Variants in SYNJ2BP observed in about 807,000 individuals in gnomAD.
The protein encoded by SYNJ2BP is synaptojanin 2 binding protein.
SYNJ2BP carries 10 observed loss-of-function variants against 16.9 expected under a neutral mutation model. The ratio of observed to expected loss-of-function variants is 0.59; its 90% CI spans 0.36 to 1.00. SYNJ2BP has a LOEUF of 1.00. Among genes scored for constraint, SYNJ2BP ranks in the 50% least tolerant of loss-of-function variants. The probability of loss-of-function intolerance (pLI) is 0.01; values close to 1 mark genes in which losing one functional copy is unlikely to be tolerated. For missense variants in SYNJ2BP, 162 were observed against 186.7 expected (o/e 0.87, Z 0.77); for synonymous variants, 54 against 68.4 (o/e 0.79, Z 1.04).
chr14:70,414,915 A>C (rs1303050269), intron 1 of SYNJ2BP, among the ~76,000 whole-genome samples: 1 of 152,220 alleles, frequency 6.6e-6, no homozygotes, highest in African/African-American at 2.4e-5. Flanking sequence ...AAAGTCAATA[A>C]ATATTAACAG....
chr14:70,388,060 G>T (rs752091118), intron 2 of SYNJ2BP, among the ~76,000 whole-genome samples: 7 of 152,116 alleles, frequency 4.6e-5, no homozygotes, highest in Non-Finnish European at 1.0e-4. Flanking sequence ...CCTTCTTTCT[G>T]TTTTGTGATG....
At chr14:70,407,807 C>T (rs1888381092) in intron 1 of SYNJ2BP, among the ~76,000 whole-genome samples, 1 of 152,204 alleles carries the variant, frequency 6.6e-6, no homozygotes, top group Non-Finnish European at 1.5e-5. Context: ...CCCACAGCTA[C>T]TGCTTATCTC....
chr14:70,372,940 A>G lies in SYNJ2BP; in HGVS notation c.*51T>C. 1.9e-6 allele frequency: 3 copies of G among 1,606,000 alleles called. No individual in the cohort carries two copies. The highest frequency in any genetic ancestry group is 2.5e-6 in the Non-Finnish European group (3 of 1,177,004). ...AGACATGGCAGAATAGCAGGGGTGG[A>G]GGGTGAGTGAAATGTATCTTCATTG... is the stretch of plus-strand genomic sequence containing the variant. On this transcript the variant is annotated 3_prime_UTR_variant, in exon 4 of 4. Coordinates refer to ENST00000256366, the MANE Select transcript of SYNJ2BP (RefSeq NM_018373.3).
At chr14:70,381,629 T>C (rs1052605382) in intron 2 of SYNJ2BP, among the ~76,000 whole-genome samples, 4 of 152,290 alleles carry the variant, frequency 2.6e-5, no homozygotes, top group Non-Finnish European at 4.4e-5. Flanking sequence ...CTTACTAACA[T>C]AGACCAGTGG....
intron 1 of SYNJ2BP, among the ~76,000 whole-genome samples, chr14:70,395,577 C>A (rs1263422973): frequency 1.3e-5 from 2 of 152,176 alleles, no homozygotes; most frequent in Non-Finnish European, 2.9e-5. Flanking sequence ...AGACATCAAT[C>A]AAACTCCATT....
intron 1 of SYNJ2BP, among the ~76,000 whole-genome samples, chr14:70,400,378 A>C (rs2332374): frequency 0.87 from 133,124 of 152,218 alleles, 58,285 homozygotes; most frequent in East Asian, 0.93. Context: ...GAACATACAC[A>C]AGTATTATTC....
intron 1 of SYNJ2BP, among the ~76,000 whole-genome samples, chr14:70,399,998 G>A (rs1888201374): frequency 6.6e-6 from 1 of 152,018 alleles, no homozygotes; most frequent in Non-Finnish European, 1.5e-5. Context: ...GTCAAAAGCT[G>A]CAAAAAAGAG....
At chr14:70,408,984 G>A (rs887457301) in intron 1 of SYNJ2BP, among the ~76,000 whole-genome samples, 1 of 151,820 alleles carries the variant, frequency 6.6e-6, no homozygotes, top group South Asian at 2.1e-4. Context: ...CAACAACCTC[G>A]AACTCCTGGG....
intron 2 of SYNJ2BP, among the ~76,000 whole-genome samples, chr14:70,381,407 G>T (rs7145450): frequency 0.87 from 133,076 of 152,244 alleles, 58,222 homozygotes; most frequent in East Asian, 0.93. Flanking sequence ...GAACCCTTTC[G>T]CATCCTTTAC....
At chr14:70,375,818 A>G in intron 2 of SYNJ2BP, 47 bp from the exon 3 acceptor site, 1 of 1,602,690 alleles carries the variant, frequency 6.2e-7, no homozygotes, top group South Asian at 1.1e-5. Context: ...GGCTATTAGA[A>G]GTCAACAATT....
chr14:70,388,530 G>A lies in SYNJ2BP; in HGVS notation c.141C>T (p.Ile47=), dbSNP rs138930055. The A allele has an allele frequency of 8.3e-5, 132 of 1,599,946 alleles. No homozygotes were observed. The highest frequency in any genetic ancestry group is 1.7e-4 in the Middle Eastern group (1 of 6,048). ...SNDSGIYVSR[I]KENGAAALDG... is the part of the protein sequence containing the mutation. ...CCAGGGCCGCAGCCCCATTTTCTTT[G>A]ATGCGGCTGACGTAGATGCCACTGT... The change falls in exon 2 of 4, where the codon ATC becomes ATT. Residue 47 remains isoleucine, a synonymous_variant. Coordinates refer to ENST00000256366, the MANE Select transcript of SYNJ2BP (RefSeq NM_018373.3).
chr14:70,396,864 T>TC (rs1888110618), intron 1 of SYNJ2BP, among the ~76,000 whole-genome samples: 1 of 152,218 alleles, frequency 6.6e-6, no homozygotes, highest in Non-Finnish European at 1.5e-5. Flanking sequence ...CTGTAAAAGT[T>TC]CTTTATATAT....
intron 1 of SYNJ2BP, among the ~76,000 whole-genome samples, chr14:70,392,593 G>C (rs1024711632): frequency 6.6e-6 from 1 of 152,146 alleles, no homozygotes; most frequent in African/African-American, 2.4e-5. Flanking sequence ...CTCCAAACTA[G>C]ATAGTTTGAC....
chr14:70,383,120 T>C (rs947285925), intron 2 of SYNJ2BP, among the ~76,000 whole-genome samples: 10 of 152,152 alleles, frequency 6.6e-5, no homozygotes, highest in African/African-American at 2.4e-4. Flanking sequence ...AAAAAGTCAG[T>C]GTGTTATAAT....
intron 3 of SYNJ2BP, among the ~76,000 whole-genome samples, chr14:70,373,478 A>C (rs889836562): frequency 2.0e-5 from 3 of 152,190 alleles, no homozygotes; most frequent in Admixed American, 2.0e-4. Context: ...TCTTATAGGG[A>C]ACTTGGATAT....
intron 1 of SYNJ2BP, among the ~76,000 whole-genome samples, chr14:70,403,817 G>T (rs1336469350): frequency 6.6e-6 from 1 of 152,052 alleles, no homozygotes; most frequent in Non-Finnish European, 1.5e-5. Context: ...ATTCTTTCTT[G>T]CGTGAGATCC....
At chr14:70,389,695 G>A (rs1035187404) in intron 1 of SYNJ2BP, among the ~76,000 whole-genome samples, 1 of 152,016 alleles carries the variant, frequency 6.6e-6, no homozygotes, top group African/African-American at 2.4e-5. Context: ...ACGTCATGTT[G>A]GCCCTTAAAA....
At chr14:70,415,200 AT>A (rs1486609500) in intron 1 of SYNJ2BP, among the ~76,000 whole-genome samples, 1 of 147,298 alleles carries the variant, frequency 6.8e-6, no homozygotes, top group Admixed American at 6.8e-5. Flanking sequence ...TAATAATGGT[AT>A]TAGTGATGAG....
At chr14:70,379,432 T>A (rs1427198199) in intron 2 of SYNJ2BP, among the ~76,000 whole-genome samples, 1 of 152,202 alleles carries the variant, frequency 6.6e-6, no homozygotes, top group Admixed American at 6.5e-5. Flanking sequence ...ACTCACTGAC[T>A]GGGACATAAA....
Sources: gnomAD v4.1 joint callset for allele counts (sites outside exome capture counted in the v4.1 genomes callset) on GRCh38, gnomAD v4.1.1 for gene constraint, MANE v1.5 for transcripts, NCBI Gene and HGNC (gene_info 2026-07-23, HGNC 2026-07-21) for gene names.